The following TMEM131 variants were observed in gnomAD, a reference collection of about 807,000 sequenced individuals.
TMEM131 encodes 2610524E03Rik.
TMEM131 carries 66 observed loss-of-function variants against 211.6 expected under a neutral mutation model. That is an observed-to-expected ratio of 0.31 (90% CI 0.26 to 0.38). The LOEUF (loss-of-function observed/expected upper bound fraction) is 0.38, where lower values mean the gene tolerates loss of function less well. TMEM131 is among the 10% of genes least tolerant of loss of function. The pLI, the probability that TMEM131 is intolerant of heterozygous loss-of-function variation, is 1.00. For missense variants in TMEM131, 2,036 were observed against 2,299.3 expected (o/e 0.89, Z 2.34); for synonymous variants, 844 against 841.3 (o/e 1.00, Z -0.06).
intron 1 of TMEM131, among the ~76,000 whole-genome samples, chr2:97,980,570 C>T (rs1260812016): frequency 2.0e-5 from 3 of 152,150 alleles, no homozygotes; most frequent in Non-Finnish European, 4.4e-5. Flanking sequence ...CTCATATGTA[C>T]TTACCTGAGA....
At chr2:97,780,711 A>G (rs1303477974) in intron 31 of TMEM131, among the ~76,000 whole-genome samples, 3 of 152,202 alleles carry the variant, frequency 2.0e-5, no homozygotes, top group Non-Finnish European at 4.4e-5. Flanking sequence ...TGTCCTCTCA[A>G]AGATGAATTA....
At chr2:97,858,915 C>A (rs1277431587) in intron 5 of TMEM131, among the ~76,000 whole-genome samples, 1 of 152,216 alleles carries the variant, frequency 6.6e-6, no homozygotes. Context: ...GAACAAACAA[C>A]CCAGTGTGCT....
Position 97,928,833 on chromosome 2 carries a change from A to G in TMEM131, c.188-1346T>C, listed in dbSNP as rs1677098175. 2.6e-5 allele frequency among the ~76,000 whole-genome samples: 4 copies of G among 151,852 alleles called. No homozygotes were observed. In the East Asian group the frequency reaches 7.7e-4, roughly 29 times the overall value. ...AATTTATACAGAAACAAGGCGGGGG[A>G]GGCCAAAATGATCCAGGTGGTAATG... On this transcript the variant is annotated intron_variant, in intron 1 of 40. Transcript: ENST00000186436.
intron 1 of TMEM131, among the ~76,000 whole-genome samples, chr2:97,956,926 C>A (rs1490868570): frequency 1.3e-5 from 2 of 151,910 alleles, no homozygotes; most frequent in African/African-American, 4.8e-5. Context: ...GGTGAAACCC[C>A]ATCTGTACTA....
rs761004376 is a variant in TMEM131, at chr2:97,841,842, G to T, written c.696C>A (p.Ile232=). ...GTAAAGGCTCACTGTGAGGATTGTGGATGTTTATTATAGGTGAGAAACTGC... is the reference window on the plus strand; with the variant it reads ...GTAAAGGCTCACTGTGAGGATTGTGTATGTTTATTATAGGTGAGAAACTGC... The part of the protein sequence containing the change: ...VNSSFSPIIN[I]HNPHSEPLQV... Residue 232 remains isoleucine (I), a synonymous_variant, in exon 7 of 41, where the codon ATC becomes ATA. Transcript: ENST00000186436. The T allele has an allele frequency of 2.5e-6, 4 of 1,597,008 alleles. No homozygotes were observed. The highest frequency in any genetic ancestry group is 3.4e-6 in the Non-Finnish European group (4 of 1,170,628).
intron 39 of TMEM131, chr2:97,759,413 C>A: frequency 1.9e-6 from 1 of 536,416 alleles, no homozygotes. Flanking sequence ...CCTTCAATAC[C>A]CGCCATGGAA....
rs1204087048 is a variant in TMEM131, at chr2:97,943,093, GAA to G, written c.188-15608_188-15607del. 2.2e-4 allele frequency among the ~76,000 whole-genome samples: 33 copies of G among 148,064 alleles called. No individual in the cohort carries two copies. In the East Asian group the frequency reaches 5.3e-3, roughly 24 times the overall value. On this transcript the variant is annotated intron_variant, in intron 1 of 40. Transcript: ENST00000186436. ...AGAAAGAAAGAAAGAAAGAAAGAAA[GAA>G]AGAAAGAGCTGGGTGTGGTGGTGCA...
At chr2:97,782,652 G>A (rs936992026) in intron 31 of TMEM131, among the ~76,000 whole-genome samples, 1 of 152,072 alleles carries the variant, frequency 6.6e-6, no homozygotes, top group Non-Finnish European at 1.5e-5. Flanking sequence ...AGAAGCTAAA[G>A]AAGAACAAAA....
intron 4 of TMEM131, among the ~76,000 whole-genome samples, chr2:97,861,267 G>A (rs1372035619): frequency 6.6e-6 from 1 of 151,922 alleles, no homozygotes; most frequent in Non-Finnish European, 1.5e-5. Flanking sequence ...GACTTGGGGG[G>A]CATGCAACCT....
intron 1 of TMEM131, among the ~76,000 whole-genome samples, chr2:97,963,749 G>A (rs1678921389): frequency 6.6e-6 from 1 of 152,146 alleles, no homozygotes. Flanking sequence ...GAATTTTTGA[G>A]ATTGCTAGAA....
At chr2:97,813,890 G>T in intron 15 of TMEM131, 81 bp downstream of exon 15, 1 of 1,141,656 alleles carries the variant, frequency 8.8e-7, no homozygotes, top group Non-Finnish European at 1.2e-6. Context: ...CAAACCGTAT[G>T]TAACACGACT....
At chr2:97,928,518 T>G (rs1677081982) in intron 1 of TMEM131, among the ~76,000 whole-genome samples, 1 of 151,716 alleles carries the variant, frequency 6.6e-6, no homozygotes, top group Non-Finnish European at 1.5e-5. Flanking sequence ...CAGGATGGAA[T>G]GCATAAAATG....
chr2:97,992,780 T>G (rs1213197409), intron 1 of TMEM131, among the ~76,000 whole-genome samples: 1 of 152,198 alleles, frequency 6.6e-6, no homozygotes, highest in East Asian at 1.9e-4. Flanking sequence ...CTCACACACA[T>G]TTTTGCTATT....
At chr2:97,813,331 T>C (rs899103777) in intron 15 of TMEM131, among the ~76,000 whole-genome samples, 1 of 152,196 alleles carries the variant, frequency 6.6e-6, no homozygotes, top group Non-Finnish European at 1.5e-5. Context: ...TTCTAATCGA[T>C]GCCAACTATT....
Position 97,759,663 on chromosome 2 carries a change from T to C in TMEM131, c.5195A>G (p.Asn1732Ser). ...NSFSAFGNSF[N>S]LTGEVFSKLG... is the part of the protein sequence containing the mutation. ...TGTTAAACACTCACCACCAGTTAGA[T>C]TAAAAGAGTTTCCAAAGGCGGAGAA... is the stretch of plus-strand genomic sequence containing the variant. The change falls in exon 39 of 41, where the codon AAT (asparagine) becomes AGT (serine). Residue 1732 changes from asparagine to serine, a missense_variant. This residue lies in a region of TMEM131 where 1,623 missense variants were observed against 1,805.9 expected (regional missense o/e 0.90). Transcript: ENST00000186436. 6.2e-7 allele frequency: 1 copy of C among 1,613,062 alleles called. No homozygotes were observed.
chr2:97,860,237 A>G (rs1395702811), intron 4 of TMEM131, among the ~76,000 whole-genome samples: 1 of 152,092 alleles, frequency 6.6e-6, no homozygotes, highest in Non-Finnish European at 1.5e-5. Context: ...ACATGACCCA[A>G]CCTAAACAAG....
At position 97,935,383 on chromosome 2, in the gene TMEM131, C is replaced by T. The variant is rs145606495; in HGVS notation, c.188-7896G>A. On this transcript the variant is annotated intron_variant, in intron 1 of 40. Transcript: ENST00000186436. Reference sequence around the variant, plus strand: ...TACACAGGATCTCTCTGTATAACTTCTTATAACAGTGTATGATTCTAAAAT... The same window carrying T: ...TACACAGGATCTCTCTGTATAACTTTTTATAACAGTGTATGATTCTAAAAT... Among the ~76,000 whole-genome samples the T allele has an allele frequency of 2.2e-3, 335 of 152,190 alleles. 2 individuals carry two copies. Among genetic ancestry groups the T allele is most frequent in the South Asian group, 9.8e-3 (47 of 4,820 alleles).
At chr2:97,911,759 TAAAC>T (rs1676301941) in intron 2 of TMEM131, 1 of 587,994 alleles carries the variant, frequency 1.7e-6, no homozygotes, top group South Asian at 7.5e-5. Context: ...TTAACTGTAA[TAAAC>T]AAGAATAAAA....
intron 1 of TMEM131, among the ~76,000 whole-genome samples, chr2:97,974,451 A>G (rs1458220110): frequency 1.3e-5 from 2 of 152,174 alleles, no homozygotes; most frequent in African/African-American, 4.8e-5. Context: ...AATAGTAAGC[A>G]AAAATGTCCC....
Sources: allele counts gnomAD v4.1 joint callset (sites outside exome capture counted in the v4.1 genomes callset), GRCh38; gene constraint gnomAD v4.1.1; regional missense constraint gnomAD v4.1.1; transcripts MANE v1.5; gene names NCBI Gene and HGNC (gene_info 2026-07-23, HGNC 2026-07-21).